MYO5B: variants seen among roughly 807,000 people sequenced by gnomAD.
MYO5B encodes the protein myosin VB, also known as unconventional myosin-Vb.
MYO5B carries 143 observed loss-of-function variants against 229.3 expected under a neutral mutation model. That is an observed-to-expected ratio of 0.62 (90% CI 0.54 to 0.72). MYO5B has a LOEUF of 0.72. Ranked by LOEUF, MYO5B falls within the 30% of genes least tolerant of loss-of-function variation. The pLI is 0.00. For missense variants in MYO5B, 2,321 were observed against 2,331.0 expected, an observed-to-expected ratio of 1.00 and a Z score of 0.09; for synonymous variants, 918 against 885.2, an observed-to-expected ratio of 1.04 and a Z score of -0.66.
intron 17 of MYO5B, among the ~76,000 whole-genome samples, chr18:49,927,799 G>A (rs1192841994): frequency 6.6e-6 from 1 of 152,128 alleles, no homozygotes; most frequent in African/African-American, 2.4e-5. Flanking sequence ...ACTCTAGAAG[G>A]TAACATTGGG....
At chr18:50,085,901 T>G (rs960190493) in intron 1 of MYO5B, among the ~76,000 whole-genome samples, 8 of 150,236 alleles carry the variant, frequency 5.3e-5, no homozygotes, top group African/African-American at 2.0e-4. Context: ...AACATCACAC[T>G]CTGGGGACTG....
intron 16 of MYO5B, among the ~76,000 whole-genome samples, chr18:49,935,188 T>A (rs949771231): frequency 1.3e-5 from 2 of 152,148 alleles, no homozygotes; most frequent in African/African-American, 4.8e-5. Context: ...TGACGTCAGT[T>A]AGACACTGGG....
At chr18:49,851,576 T>G (rs2024201229) in intron 31 of MYO5B, among the ~76,000 whole-genome samples, 1 of 152,162 alleles carries the variant, frequency 6.6e-6, no homozygotes, top group South Asian at 2.1e-4. Context: ...AATAATGAAT[T>G]CAATTCATAA....
intron 24 of MYO5B, among the ~76,000 whole-genome samples, 196 bp downstream of exon 24, chr18:49,878,749 T>C (rs1357563580): frequency 2.0e-5 from 3 of 152,202 alleles, no homozygotes; most frequent in African/African-American, 4.8e-5. Flanking sequence ...GACCCCAAAG[T>C]TGGAAAAGGA....
chr18:49,997,804 T>C (rs1209447879), intron 5 of MYO5B, among the ~76,000 whole-genome samples: 1 of 152,022 alleles, frequency 6.6e-6, no homozygotes, highest in Admixed American at 6.6e-5. Flanking sequence ...GACCTTCAAC[T>C]CTAGGTCTCC....
intron 1 of MYO5B, among the ~76,000 whole-genome samples, chr18:50,055,766 A>G (rs1408026273): frequency 6.6e-6 from 1 of 151,902 alleles, no homozygotes; most frequent in Non-Finnish European, 1.5e-5. Context: ...AAAAGCCAAG[A>G]CAGTATAGCA....
intron 21 of MYO5B, among the ~76,000 whole-genome samples, chr18:49,901,930 G>C (rs2024846099): frequency 6.6e-6 from 1 of 152,180 alleles, no homozygotes; most frequent in Non-Finnish European, 1.5e-5. Flanking sequence ...TCCAGTCAAA[G>C]CGCCAGCCCC....
intron 1 of MYO5B, among the ~76,000 whole-genome samples, chr18:50,185,591 C>T (rs946952661): frequency 6.6e-6 from 1 of 152,060 alleles, no homozygotes; most frequent in Non-Finnish European, 1.5e-5. Context: ...AACCTAATTG[C>T]CCGATTTAAT....
At chr18:50,184,951 C>T (rs2033127438) in intron 1 of MYO5B, among the ~76,000 whole-genome samples, 1 of 150,046 alleles carries the variant, frequency 6.7e-6, no homozygotes, top group Non-Finnish European at 1.5e-5. Flanking sequence ...GTGTCGCATG[C>T]CTGTTCCCAG....
intron 31 of MYO5B, among the ~76,000 whole-genome samples, chr18:49,851,563 C>T (rs998641583): frequency 3.3e-5 from 5 of 152,214 alleles, no homozygotes; most frequent in African/African-American, 1.2e-4. Context: ...CAAAAGCTTA[C>T]AGAATAATGA....
At chr18:50,117,204 A>G (rs2031979138) in intron 1 of MYO5B, among the ~76,000 whole-genome samples, 1 of 152,188 alleles carries the variant, frequency 6.6e-6, no homozygotes, top group African/African-American at 2.4e-5. Flanking sequence ...AATATGACCA[A>G]GCCCCTATAA....
chr18:50,107,848 G>C (rs963648961), intron 1 of MYO5B, among the ~76,000 whole-genome samples: 4 of 152,138 alleles, frequency 2.6e-5, no homozygotes, highest in African/African-American at 9.7e-5. Flanking sequence ...AGAAGCCAAG[G>C]ATACCACACC....
intron 15 of MYO5B, 30 bp from the exon 16 acceptor site, chr18:49,936,379 G>C (rs756491624): frequency 3.3e-6 from 5 of 1,492,934 alleles, no homozygotes; most frequent in Middle Eastern, 1.7e-4. Context: ...TGCTTGGTTA[G>C]TTTTAACAAG....
At chr18:49,946,531 GC>G (rs1308756841) in intron 14 of MYO5B, 1 of 152,142 alleles carries the variant, frequency 6.6e-6, no homozygotes, top group Non-Finnish European at 1.5e-5. Flanking sequence ...TAAGATTTCA[GC>G]CCCTTTCTCC....
At chr18:50,024,146 C>T (rs2026306577) in intron 4 of MYO5B, among the ~76,000 whole-genome samples, 1 of 152,148 alleles carries the variant, frequency 6.6e-6, no homozygotes, top group African/African-American at 2.4e-5. Context: ...TGGAATAAAA[C>T]TCTAGGAGCC....
chr18:50,095,553 G>A (rs2031534154), intron 1 of MYO5B, among the ~76,000 whole-genome samples: 1 of 152,208 alleles, frequency 6.6e-6, no homozygotes, highest in African/African-American at 2.4e-5. Context: ...ATGCACACAT[G>A]GGTGGGTGTG....
At chr18:49,917,070 G>A (rs11660745) in intron 17 of MYO5B, among the ~76,000 whole-genome samples, 17,990 of 152,154 alleles carry the variant, frequency 0.12, 1,318 homozygotes, top group East Asian at 0.25. Context: ...CTGCCATGAC[G>A]GAATCTCCCC....
intron 17 of MYO5B, among the ~76,000 whole-genome samples, chr18:49,922,812 C>G (rs1452795323): frequency 1.3e-5 from 2 of 152,108 alleles, no homozygotes; most frequent in Non-Finnish European, 2.9e-5. Context: ...ATGTAAGTAT[C>G]TGCTAGAAAA....
At chr18:49,858,347 G>A (rs1197804795) in intron 29 of MYO5B, among the ~76,000 whole-genome samples, 1 of 152,064 alleles carries the variant, frequency 6.6e-6, no homozygotes, top group African/African-American at 2.4e-5. Flanking sequence ...AGGCACCACT[G>A]CAGTGATTCT....
Sources: allele counts gnomAD v4.1 joint callset (sites outside exome capture counted in the v4.1 genomes callset), GRCh38; gene constraint gnomAD v4.1.1; transcripts MANE v1.5; gene names NCBI Gene and HGNC (gene_info 2026-07-23, HGNC 2026-07-21).